The following RBFOX1 variants were observed in gnomAD, a reference collection of about 807,000 sequenced individuals.
RBFOX1 encodes the protein RNA binding fox-1 homolog 1.
Under a neutral mutation model 57.7 loss-of-function variants are expected in RBFOX1, and 8 were observed. That is an observed-to-expected ratio of 0.14 (90% CI 0.08 to 0.25). RBFOX1 has a LOEUF of 0.25. Among genes scored for constraint, RBFOX1 ranks in the 10% least tolerant of loss-of-function variants. RBFOX1 has a pLI of 1.00. For missense variants in RBFOX1, 611 were observed against 548.5 expected (o/e 1.11, Z -1.14); for synonymous variants, 326 against 222.4 (o/e 1.47, Z -4.15).
At chr16:6,352,154 C>G (rs17139907) in intron 2 of RBFOX1, among the ~76,000 whole-genome samples, 4,554 of 152,258 alleles carry the variant, frequency 0.03, 186 homozygotes, top group African/African-American at 0.096. Flanking sequence ...AACCAGCTAT[C>G]TCAAGTCCCA....
chr16:7,673,188 C>T (rs1169878078), intron 13 of RBFOX1, among the ~76,000 whole-genome samples: 1 of 152,098 alleles, frequency 6.6e-6, no homozygotes, highest in African/African-American at 2.4e-5. Context: ...CACTGTTTGG[C>T]CGGTAGAACA....
chr16:6,128,880 A>G (rs1279107869), intron 1 of RBFOX1, among the ~76,000 whole-genome samples: 1 of 152,222 alleles, frequency 6.6e-6, no homozygotes. Context: ...AAACCCCAGA[A>G]TGCCCATGCT....
intron 4 of RBFOX1, among the ~76,000 whole-genome samples, chr16:7,467,265 G>A (rs114476247): frequency 1.3e-5 from 2 of 152,134 alleles, no homozygotes; most frequent in African/African-American, 4.8e-5. Context: ...TCTCAATAGG[G>A]AACAAGTGCT....
At chr16:6,061,042 C>T (rs1427423328) in intron 1 of RBFOX1, among the ~76,000 whole-genome samples, 1 of 152,170 alleles carries the variant, frequency 6.6e-6, no homozygotes, top group African/African-American at 2.4e-5. Context: ...CTGCCCACCA[C>T]ACTGATTACG....
chr16:7,269,935 A>C (rs533972562), intron 4 of RBFOX1, among the ~76,000 whole-genome samples: 2 of 152,224 alleles, frequency 1.3e-5, no homozygotes, highest in Non-Finnish European at 2.9e-5. Flanking sequence ...GTATTATTAC[A>C]TACTTTATTA....
chr16:6,203,414 A>G (rs1227473862), intron 1 of RBFOX1, among the ~76,000 whole-genome samples: 2 of 152,186 alleles, frequency 1.3e-5, no homozygotes, highest in Non-Finnish European at 2.9e-5. Flanking sequence ...AGTAAATCCA[A>G]AAAGGATTTA....
chr16:7,417,988 C>T (rs1308748015), intron 4 of RBFOX1, among the ~76,000 whole-genome samples: 5 of 152,134 alleles, frequency 3.3e-5, no homozygotes, highest in Non-Finnish European at 5.9e-5. Flanking sequence ...ACCCTCATCC[C>T]ACAGATGGGC....
At chr16:6,925,874 C>A (rs567363893) in intron 3 of RBFOX1, among the ~76,000 whole-genome samples, 1 of 152,054 alleles carries the variant, frequency 6.6e-6, no homozygotes, top group Non-Finnish European at 1.5e-5. Flanking sequence ...TCTGTAATTA[C>A]ATTTCTCTAT....
chr16:5,701,228 G>C (rs1255147471), intron 3 of RBFOX1, among the ~76,000 whole-genome samples: 1 of 152,204 alleles, frequency 6.6e-6, no homozygotes, highest in African/African-American at 2.4e-5. Flanking sequence ...TGCTGTTTCA[G>C]CTTTGGAGAC....
chr16:7,690,296 A>T (rs2077038591), intron 14 of RBFOX1, among the ~76,000 whole-genome samples: 1 of 152,136 alleles, frequency 6.6e-6, no homozygotes, highest in Non-Finnish European at 1.5e-5. Context: ...GTGATTTTCA[A>T]ACGAAGAACG....
At chr16:6,716,655 A>G (rs1046449171) in intron 3 of RBFOX1, among the ~76,000 whole-genome samples, 3 of 152,180 alleles carry the variant, frequency 2.0e-5, no homozygotes, top group African/African-American at 7.2e-5. Flanking sequence ...GTATCTGCCC[A>G]TGACTCAGTC....
intron 1 of RBFOX1, among the ~76,000 whole-genome samples, chr16:6,158,885 G>C (rs1057304282): frequency 2.7e-5 from 4 of 149,428 alleles, no homozygotes; most frequent in Admixed American, 6.8e-5. Context: ...TTTCTGACTA[G>C]GTGAAATTTC....
At chr16:6,347,309 C>G (rs2085535837) in intron 2 of RBFOX1, among the ~76,000 whole-genome samples, 1 of 152,188 alleles carries the variant, frequency 6.6e-6, no homozygotes, top group Non-Finnish European at 1.5e-5. Context: ...TCATCATTGT[C>G]TCTCCTCTTT....
chr16:7,639,825 T>C (rs568913331), intron 11 of RBFOX1, among the ~76,000 whole-genome samples: 2 of 152,286 alleles, frequency 1.3e-5, no homozygotes, highest in East Asian at 3.9e-4. Context: ...TGAGGTGTTT[T>C]CAGACACCTA....
intron 14 of RBFOX1, among the ~76,000 whole-genome samples, chr16:7,688,308 C>T (rs2076563301): frequency 6.7e-6 from 1 of 150,088 alleles, no homozygotes; most frequent in South Asian, 2.1e-4. Context: ...GCATTGGATA[C>T]AAGAAGAATC....
chr16:5,583,040 A>G (rs2046724547), intron 2 of RBFOX1, among the ~76,000 whole-genome samples: 1 of 152,222 alleles, frequency 6.6e-6, no homozygotes, highest in African/African-American at 2.4e-5. Flanking sequence ...ACTAAGGCAC[A>G]GAAAGGTAAC....
At chr16:5,750,026 A>G (rs954508097) in intron 3 of RBFOX1, among the ~76,000 whole-genome samples, 14 of 151,996 alleles carry the variant, frequency 9.2e-5, no homozygotes, top group African/African-American at 3.4e-4. Flanking sequence ...TATGATGGTG[A>G]TGTACAGATG....
At chr16:7,518,551 C>G (rs868390166) in intron 5 of RBFOX1, among the ~76,000 whole-genome samples, 162 bp downstream of exon 5, 1 of 152,200 alleles carries the variant, frequency 6.6e-6, no homozygotes, top group East Asian at 1.9e-4. Flanking sequence ...TACCTCATTT[C>G]CATGCATTCA....
At chr16:6,120,755 CTCAGATCTG>C (rs2096543041) in intron 1 of RBFOX1, among the ~76,000 whole-genome samples, 2 of 152,232 alleles carry the variant, frequency 1.3e-5, no homozygotes, top group South Asian at 4.2e-4. Flanking sequence ...CTTTTAGCAA[CTCAGATCTG>C]TCCCTGCGTT....
Sources: gnomAD v4.1 joint callset for allele counts (sites outside exome capture counted in the v4.1 genomes callset) on GRCh38, gnomAD v4.1.1 for gene constraint, MANE v1.5 for transcripts, NCBI Gene and HGNC (gene_info 2026-07-23, HGNC 2026-07-21) for gene names.